The following GMDS variants were observed in gnomAD, a reference collection of about 807,000 sequenced individuals.
The protein encoded by GMDS is GDP-mannose 4,6 dehydratase.
A neutral mutation model predicts 49.9 loss-of-function variants in GMDS; 20 were observed. The observed-to-expected ratio is 0.40, with a 90% CI of 0.28 to 0.58. GMDS has a LOEUF of 0.58. Among genes scored for constraint, GMDS ranks in the 20% least tolerant of loss-of-function variants. The pLI is 0.42. For missense variants in GMDS, 362 were observed against 481.4 expected, an observed-to-expected ratio of 0.75 and a Z score of 2.32; for synonymous variants, 177 against 178.6, an observed-to-expected ratio of 0.99 and a Z score of 0.07.
At chr6:1,731,333 A>G (rs1766796052) in intron 8 of GMDS, among the ~76,000 whole-genome samples, 1 of 152,242 alleles carries the variant, frequency 6.6e-6, no homozygotes, top group Admixed American at 6.5e-5. Context: ...AAATAAGTCA[A>G]GAATACTGAT....
At chr6:1,798,455 C>T (rs1257720672) in intron 7 of GMDS, among the ~76,000 whole-genome samples, 1 of 152,088 alleles carries the variant, frequency 6.6e-6, no homozygotes, top group African/African-American at 2.4e-5. Context: ...AAGAGCAGAA[C>T]CTGTAGAACC....
chr6:1,946,579 G>C (rs909827704), intron 6 of GMDS, among the ~76,000 whole-genome samples: 1 of 152,128 alleles, frequency 6.6e-6, no homozygotes, highest in African/African-American at 2.4e-5. Flanking sequence ...ATTAGCTCAA[G>C]AGCACTTTAC....
chr6:2,172,157 T>A (rs952766222), intron 1 of GMDS, among the ~76,000 whole-genome samples: 1 of 152,160 alleles, frequency 6.6e-6, no homozygotes, highest in African/African-American at 2.4e-5. Flanking sequence ...ATGATCATCA[T>A]AAATGAATTG....
At chr6:2,154,982 G>A (rs1054107276) in intron 1 of GMDS, among the ~76,000 whole-genome samples, 1 of 151,088 alleles carries the variant, frequency 6.6e-6, no homozygotes, top group East Asian at 1.9e-4. Flanking sequence ...ACTTCATATG[G>A]TTAAGGCTAA....
intron 4 of GMDS, among the ~76,000 whole-genome samples, chr6:2,071,298 C>T (rs1437568218): frequency 1.3e-5 from 2 of 152,156 alleles, no homozygotes; most frequent in Admixed American, 6.5e-5. Flanking sequence ...TTTCTTTCTA[C>T]ATACCTTTTC....
intron 1 of GMDS, among the ~76,000 whole-genome samples, chr6:2,141,864 T>TGCTC (rs1377891112): frequency 1.5e-5 from 1 of 65,506 alleles, no homozygotes; most frequent in East Asian, 7.3e-4. Context: ...TGGTTGTGCG[T>TGCTC]GCTCTCTCTC....
At chr6:1,824,394 T>A (rs1771022827) in intron 7 of GMDS, among the ~76,000 whole-genome samples, 1 of 152,318 alleles carries the variant, frequency 6.6e-6, no homozygotes, top group South Asian at 2.1e-4. Context: ...GTACAGCCTA[T>A]TTCAACTATA....
chr6:1,638,828 G>C (rs1007600816), intron 9 of GMDS, among the ~76,000 whole-genome samples: 3 of 152,174 alleles, frequency 2.0e-5, no homozygotes, highest in Admixed American at 6.5e-5. Context: ...GAGACTGAGG[G>C]AGACCATGTT....
chr6:2,115,966 G>A, intron 3 of GMDS, 86 bp from the exon 4 acceptor site: 2 of 812,306 alleles, frequency 2.5e-6, no homozygotes, highest in Admixed American at 1.8e-5. Flanking sequence ...ATGCATATTT[G>A]GAAAGTCTGA....
In GMDS at chr6:1,826,391, A is replaced by G. The variant is rs575386077; in HGVS notation, c.772-83805T>C. The stretch of plus-strand genomic sequence containing the variant: ...CTTGGAATATTTCTAAGTAGAGAGC[A>G]TATGAGATCCAAATTTACAAATAGA... On this transcript the variant is annotated intron_variant, in intron 7 of 10. Coordinates refer to ENST00000380815, the MANE Select transcript of GMDS (RefSeq NM_001500.4). Among the ~76,000 whole-genome samples, 5 of 152,378 alleles carry G rather than the reference A, an allele frequency of 3.3e-5. No homozygotes were observed. In the East Asian group the frequency reaches 9.6e-4, roughly 29 times the overall value.
At chr6:2,047,541 T>C (rs999599619) in intron 4 of GMDS, among the ~76,000 whole-genome samples, 1 of 152,142 alleles carries the variant, frequency 6.6e-6, no homozygotes, top group Non-Finnish European at 1.5e-5. Context: ...GGCTGGGCAG[T>C]GCAGTGGTGT....
chr6:1,985,584 T>C (rs1211206074), intron 4 of GMDS, among the ~76,000 whole-genome samples: 1 of 152,152 alleles, frequency 6.6e-6, no homozygotes, highest in Non-Finnish European at 1.5e-5. Flanking sequence ...GAAAGCATTT[T>C]TATAAGCAGG....
intron 4 of GMDS, among the ~76,000 whole-genome samples, chr6:2,063,535 T>C (rs1218385906): frequency 6.6e-6 from 1 of 152,172 alleles, no homozygotes; most frequent in Non-Finnish European, 1.5e-5. Context: ...AAGTATAATA[T>C]TAACACCAAA....
At chr6:1,938,023 A>G (rs1363270321) in intron 6 of GMDS, among the ~76,000 whole-genome samples, 3 of 151,938 alleles carry the variant, frequency 2.0e-5, no homozygotes, top group Non-Finnish European at 2.9e-5. Flanking sequence ...AGAAAAAAAA[A>G]GGGGGATACT....
chr6:2,052,691 G>GT (rs1295440730), intron 4 of GMDS, among the ~76,000 whole-genome samples: 9 of 152,204 alleles, frequency 5.9e-5, no homozygotes, highest in African/African-American at 2.2e-4. Flanking sequence ...CAAGACAATT[G>GT]TAAGAATTCT....
chr6:1,855,134 G>C (rs941881302), intron 7 of GMDS, among the ~76,000 whole-genome samples: 1 of 152,180 alleles, frequency 6.6e-6, no homozygotes, highest in African/African-American at 2.4e-5. Flanking sequence ...TATGTCAGTT[G>C]ATCAGCCAAA....
At chr6:2,050,980 G>T (rs1221390323) in intron 4 of GMDS, among the ~76,000 whole-genome samples, 1 of 152,102 alleles carries the variant, frequency 6.6e-6, no homozygotes, top group African/African-American at 2.4e-5. Context: ...CTGGGGGAGG[G>T]ATAGTATTAG....
intron 9 of GMDS, among the ~76,000 whole-genome samples, chr6:1,686,224 T>C (rs1014809177): frequency 2.0e-5 from 3 of 152,236 alleles, no homozygotes; most frequent in African/African-American, 7.2e-5. Flanking sequence ...ACGCGGCCTC[T>C]TTCCCGCACA....
intron 7 of GMDS, among the ~76,000 whole-genome samples, chr6:1,848,201 C>G (rs192741386): frequency 6.6e-6 from 1 of 152,180 alleles, no homozygotes; most frequent in Non-Finnish European, 1.5e-5. Context: ...CAGGTCCCAA[C>G]GTACCGCCCC....
Sources: gnomAD v4.1 joint callset for allele counts (sites outside exome capture counted in the v4.1 genomes callset) on GRCh38, gnomAD v4.1.1 for gene constraint, MANE v1.5 for transcripts, NCBI Gene and HGNC (gene_info 2026-07-23, HGNC 2026-07-21) for gene names.